The following TBKBP1 variants were observed in gnomAD, a reference collection of about 807,000 sequenced individuals.
TBKBP1 encodes the protein TANK-binding kinase 1-binding protein 1.
In TBKBP1, 47 loss-of-function variants were observed where a neutral mutation model predicts 69.9. That is an observed-to-expected ratio of 0.67 (90% CI 0.53 to 0.86). The LOEUF is 0.86. Among genes scored for constraint, TBKBP1 ranks in the 40% least tolerant of loss-of-function variants. The pLI is 0.00. For missense variants in TBKBP1, 831 were observed against 858.6 expected (o/e 0.97, Z 0.40); for synonymous variants, 418 against 390.3 (o/e 1.07, Z -0.84).
At chr17:47,700,810 G>A (rs1488686274) in intron 7 of TBKBP1, among the ~76,000 whole-genome samples, 2 of 152,080 alleles carry the variant, frequency 1.3e-5, no homozygotes, top group Admixed American at 6.5e-5. Context: ...GTTGGTGGGG[G>A]GCCCAGTGCT....
Position 47,711,164 on chromosome 17 carries a change from G to C in TBKBP1, c.*538G>C, listed in dbSNP as rs1280783384. ...GGCTCATGGCATGGGCCCCCACTGG[G>C]GGAGGGAGGCATCTTGTTTCTTGTG... is the stretch of plus-strand genomic sequence containing the variant. On this transcript the variant is annotated 3_prime_UTR_variant, in exon 10 of 10. Transcript: ENST00000578982. 6.5e-6 allele frequency: 1 copy of C among 153,006 alleles called. No homozygotes were observed. The highest frequency in any genetic ancestry group is 1.5e-5 in the Non-Finnish European group (1 of 68,656). 9.5% of individuals were successfully genotyped at this position (153,006 alleles called of 1,614,324 possible). A position where few individuals can be genotyped will look rare whatever the true frequency, so the allele number is the denominator to read the frequency against.
chr17:47,710,604 A>G lies in TBKBP1; in HGVS notation c.1826A>G (p.His609Arg). ...DDALIKHIDS[H>R]LENSKI The stretch of plus-strand genomic sequence containing the variant: ...GCCCTCATCAAACACATTGACTCCC[A>G]CCTGGAGAACAGCAAGATCTAGGGC... The change falls in exon 10 of 10, where the codon CAC becomes CGC. Residue 609 changes from histidine to arginine, a missense_variant. His to Arg is a conservative substitution (Grantham distance 29). Coordinates refer to ENST00000578982, the MANE Select transcript of TBKBP1 (RefSeq NM_001394755.1). 6.2e-7 allele frequency: 1 copy of G among 1,607,600 alleles called. No individual in the cohort carries two copies. Among genetic ancestry groups the G allele is most frequent in the Non-Finnish European group, 8.5e-7 (1 of 1,175,064 alleles).
intron 1 of TBKBP1, chr17:47,695,663 C>G (rs1444420269): frequency 6.4e-6 from 1 of 156,620 alleles, no homozygotes; most frequent in South Asian, 1.9e-4. Flanking sequence ...AGCTGGGGTG[C>G]CAGAGGCCCA....
In TBKBP1 at chr17:47,696,341, A is replaced by G; in HGVS notation, c.225+4A>G. ...CCTCAAAGTCTACGAGATCAAGGTCAGAACTTGGAGAGGAGGGCGCCTGAT... is the reference window on the plus strand; with the variant it reads ...CCTCAAAGTCTACGAGATCAAGGTCGGAACTTGGAGAGGAGGGCGCCTGAT... On this transcript the variant is annotated splice_donor_region_variant and intron_variant, in intron 2 of 9. Transcript: ENST00000578982. 1 of 1,612,088 alleles carries G rather than the reference A, an allele frequency of 6.2e-7. No individual in the cohort carries two copies. The highest frequency in any genetic ancestry group is 1.1e-5 in the South Asian group (1 of 91,070).
rs138749463 is a variant in TBKBP1 at position 47,699,367 on chromosome 17, C to T, written c.682C>T (p.Arg228Trp). 8 of 1,554,870 alleles carry T rather than the reference C, an allele frequency of 5.1e-6. No homozygotes were observed. In the East Asian group the frequency reaches 6.8e-5, roughly 13 times the overall value. ...TPSVSDLERR[R>W]LEEALEAAQG... ...CAGTGTGAGTGACCTGGAGCGGCGG[C>T]GGCTAGAAGAGGCTTTGGAGGCCGC... Residue 228 changes from arginine to tryptophan, a missense_variant, in exon 6 of 10, where the codon CGG becomes TGG. By Grantham distance (101) the Arg-to-Trp change is moderately radical. Coordinates refer to ENST00000578982, the MANE Select transcript of TBKBP1 (RefSeq NM_001394755.1).
intron 1 of TBKBP1, 117 bp from the exon 2 acceptor site, chr17:47,695,962 C>T: frequency 1.6e-6 from 1 of 618,128 alleles, no homozygotes; most frequent in Non-Finnish European, 2.8e-6. Flanking sequence ...GAGCTCGGGG[C>T]AGGAAGTTTC....
intron 7 of TBKBP1, among the ~76,000 whole-genome samples, chr17:47,699,903 A>C (rs1330879837): frequency 6.7e-6 from 1 of 149,770 alleles, no homozygotes; most frequent in Non-Finnish European, 1.5e-5. Flanking sequence ...GCTCACCGCA[A>C]CCTCTGCCTC....
In TBKBP1 at chr17:47,710,749, T is replaced by A; in HGVS notation, c.*123T>A. The A allele has an allele frequency of 7.3e-7, 1 of 1,364,820 alleles. No individual in the cohort carries two copies. Among genetic ancestry groups the A allele is most frequent in the Non-Finnish European group, 1.0e-6 (1 of 1,000,014 alleles). The allele number at this position is 1,364,820 out of a possible 1,614,324, so 84.5% of individuals were successfully genotyped here. A position where few individuals can be genotyped will look rare whatever the true frequency, so the allele number is the denominator to read the frequency against. ...CTTGCGACCCCCAGATACCTCCACT[T>A]GCTACCGAGTCAACGTGTGTGCCAT... On this transcript the variant is annotated 3_prime_UTR_variant, in exon 10 of 10. Coordinates refer to ENST00000578982, the MANE Select transcript of TBKBP1 (RefSeq NM_001394755.1).
intron 7 of TBKBP1, among the ~76,000 whole-genome samples, chr17:47,703,020 C>T (rs759761770): frequency 9.6e-5 from 14 of 145,888 alleles, no homozygotes; most frequent in African/African-American, 3.1e-4. Flanking sequence ...ATGAGGGCTC[C>T]GAAGGGACAG....
At chr17:47,707,359 C>G (rs2031734567) in intron 7 of TBKBP1, among the ~76,000 whole-genome samples, 1 of 152,148 alleles carries the variant, frequency 6.6e-6, no homozygotes, top group Admixed American at 6.5e-5. Flanking sequence ...AGGTTCCTTG[C>G]CAAGTCTGTT....
intron 3 of TBKBP1, 50 bp downstream of exon 3, chr17:47,696,883 T>C: frequency 6.2e-7 from 1 of 1,602,592 alleles, no homozygotes; most frequent in Non-Finnish European, 8.5e-7. Flanking sequence ...CTCCAGTCTG[T>C]TTCTGATACC....
chr17:47,703,504 A>T (rs567527232), intron 7 of TBKBP1, among the ~76,000 whole-genome samples: 13 of 152,188 alleles, frequency 8.5e-5, no homozygotes, highest in Non-Finnish European at 1.6e-4. Flanking sequence ...GAGCACTTGC[A>T]GCCTCGGGGG....
chr17:47,695,832 T>A, intron 1 of TBKBP1: 2 of 364,454 alleles, frequency 5.5e-6, no homozygotes, highest in Non-Finnish European at 1.0e-5. Context: ...CCTGGCTTAC[T>A]TGTCCCTACT....
chr17:47,710,268 G>T (rs745392827), intron 9 of TBKBP1, among the ~76,000 whole-genome samples: 4 of 152,152 alleles, frequency 2.6e-5, no homozygotes, highest in Admixed American at 6.5e-5. Context: ...CAGATGCCCT[G>T]GCAAGCTTAG....
chr17:47,698,912 C>A, intron 5 of TBKBP1, 137 bp downstream of exon 5: 2 of 886,412 alleles, frequency 2.3e-6, no homozygotes, highest in Non-Finnish European at 3.3e-6. Context: ...CCCTTACCTG[C>A]TGTCCCCTCA....
Position 47,708,733 on chromosome 17 carries a change from C to A in TBKBP1, c.1000C>A (p.His334Asn). ...CCCGGTTTCTCTTCCAGGCCAGAGG[C>A]ACTCGCCGCTGTCACAACGCCACTC... ...QEQARSGGQR[H>N]SPLSQRHSPA... The change falls in exon 9 of 10, where the codon CAC becomes AAC. Residue 334 changes from histidine to asparagine, a missense_variant. Transcript: ENST00000578982. The surrounding 1 kb of genome is among the most constrained non-coding windows in gnomAD (Gnocchi z 4.4). 6.7e-7 allele frequency: 1 copy of A among 1,490,356 alleles called. No individual in the cohort carries two copies. The highest frequency in any genetic ancestry group is 8.9e-7 in the Non-Finnish European group (1 of 1,124,670). 92.3% of individuals were successfully genotyped at this position (1,490,356 alleles called of 1,614,324 possible). A position where few individuals can be genotyped will look rare whatever the true frequency, so the allele number is the denominator to read the frequency against.
chr17:47,699,174 G>A (rs1241845981), intron 5 of TBKBP1, 146 bp from the exon 6 acceptor site: 3 of 873,466 alleles, frequency 3.4e-6, no homozygotes, highest in Non-Finnish European at 3.2e-6. Context: ...ATCTTTCCTC[G>A]CTGCCCTTGT....
intron 7 of TBKBP1, among the ~76,000 whole-genome samples, chr17:47,706,865 A>G (rs1005070216): frequency 1.3e-5 from 2 of 151,058 alleles, no homozygotes; most frequent in African/African-American, 2.5e-5. Context: ...ACACACACAC[A>G]CACACGCACA....
At position 47,696,214 on chromosome 17, in the gene TBKBP1, C is replaced by A. The variant is rs770698903; in HGVS notation, c.102C>A (p.Gly34=). The A allele has an allele frequency of 1.2e-6, 2 of 1,613,662 alleles. No homozygotes were observed. Among genetic ancestry groups the A allele is most frequent in the Admixed American group, 1.7e-5 (1 of 60,024 alleles). ...LDSPGDPSLG[G]DMCSASHFAL... ...GTCCCGGAGACCCCTCGCTTGGGGG[C>A]GACATGTGCTCCGCCTCCCACTTTG... Residue 34 remains glycine (G), a synonymous_variant, in exon 2 of 10, where the codon GGC becomes GGA. Coordinates refer to ENST00000578982, the MANE Select transcript of TBKBP1 (RefSeq NM_001394755.1).
Sources: allele counts gnomAD v4.1 joint callset (sites outside exome capture counted in the v4.1 genomes callset), GRCh38; gene constraint gnomAD v4.1.1; non-coding constraint Gnocchi (gnomAD v3.1); transcripts MANE v1.5; gene names NCBI Gene and HGNC (gene_info 2026-07-23, HGNC 2026-07-21).